The following UPK2 variants were observed in gnomAD, a reference collection of about 807,000 sequenced individuals.
UPK2 encodes uroplakin-2.
A neutral mutation model predicts 14.8 loss-of-function variants in UPK2; 19 were observed. That is an observed-to-expected ratio of 1.29 (90% confidence interval 0.90 to 1.89). The LOEUF is 1.89. UPK2 is among the 40% of genes most tolerant of loss of function. UPK2 has a pLI of 0.00. For synonymous variants in UPK2, 102 were observed against 101.6 expected, an observed-to-expected ratio of 1.00 and a Z score of -0.02; for missense variants, 232 against 236.0, an observed-to-expected ratio of 0.98 and a Z score of 0.11.
rs1375791555 is a variant in UPK2, at chr11:118,956,400, T to C, written c.50T>C (p.Leu17Pro). Residue 17 changes from leucine to proline, a missense_variant, in exon 1 of 5, where the codon CTG becomes CCG. By Grantham distance (98) the Leu-to-Pro change is moderately conservative (BLOSUM62 -3). Coordinates refer to ENST00000264031, the MANE Select transcript of UPK2 (RefSeq NM_006760.4). This position sits in a 1 kb window ranked among gnomAD's most constrained non-coding sequence, Gnocchi z 4.1. Reference sequence around the variant, plus strand: ...ACCTTGCCCTTGATCCTGATTCTGCTGGCTCTGCTGTCCCCAGGGGCTGCA... The same window carrying C: ...ACCTTGCCCTTGATCCTGATTCTGCCGGCTCTGCTGTCCCCAGGGGCTGCA... ...IRTLPLILIL[L>P]ALLSPGAADF... The C allele has an allele frequency of 1.9e-6, 3 of 1,610,388 alleles. No homozygotes were observed. Among genetic ancestry groups the C allele is most frequent in the Non-Finnish European group, 2.5e-6 (3 of 1,179,964 alleles).
rs1481928182 is a variant in UPK2 at position 118,957,352 on chromosome 11, T to C, written c.347+6T>C. 1 of 1,613,390 alleles carries C rather than the reference T, an allele frequency of 6.2e-7. No individual in the cohort carries two copies. Among genetic ancestry groups the C allele is most frequent in the African/African-American group, 1.3e-5 (1 of 74,804 alleles). ...GTGCCAGGAACCAAATTCTAGTAGG[T>C]ACTGGGTCCAGCCTGAGGCACCTAG... On this transcript the variant is annotated splice_donor_region_variant and intron_variant, in intron 3 of 4. Coordinates refer to ENST00000264031, the MANE Select transcript of UPK2 (RefSeq NM_006760.4).
chr11:118,957,491 C>T, intron 3 of UPK2, 107 bp from the exon 4 acceptor site: 3 of 1,544,492 alleles, frequency 1.9e-6, no homozygotes, highest in Non-Finnish European at 2.7e-6. Flanking sequence ...GAGGAGTGCA[C>T]ATAGGGGAGA....
rs763777954 is a variant in UPK2 at position 118,958,098 on chromosome 11, A to G, written c.420A>G (p.Arg140=). Residue 140 remains arginine (R), a splice_region_variant and synonymous_variant, in exon 5 of 5, where the codon CGA becomes CGG. Transcript: ENST00000264031. This position sits in a 1 kb window ranked among gnomAD's most constrained non-coding sequence, Gnocchi z 4.6. The stretch of plus-strand genomic sequence containing the variant: ...GTGGTCTCCCCTCTCTTTTGACAGG[A>G]AGGAACATGGAATCCATTGGGCTGG... ...SREIPMSTLP[R]RNMESIGLGM... The G allele has an allele frequency of 6.2e-7, 1 of 1,611,474 alleles. No individual in the cohort carries two copies. The highest frequency in any genetic ancestry group is 1.1e-5 in the South Asian group (1 of 90,964).
rs1941579105 is a variant in UPK2, at chr11:118,958,063, C to T, written c.419-34C>T. ...AGCCTCAGGCAGGCTGGGGGTCTCT[C>T]CCGCCCACAGTGGTCTCCCCTCTCT... On this transcript the variant is annotated intron_variant, in intron 4 of 4. Transcript: ENST00000264031. The surrounding 1 kb of genome is among the most constrained non-coding windows in gnomAD (Gnocchi z 4.6). The T allele has an allele frequency of 6.3e-7, 1 of 1,591,092 alleles. No individual in the cohort carries two copies. The highest frequency in any genetic ancestry group is 1.3e-5 in the African/African-American group (1 of 74,680).
chr11:118,957,811 C>G (rs569795630), intron 4 of UPK2, 143 bp downstream of exon 4: 21 of 975,298 alleles, frequency 2.2e-5, no homozygotes, highest in Middle Eastern at 3.1e-4. Context: ...TAGCACGGAA[C>G]CTTCGGCATG....
chr11:118,957,956 G>A, intron 4 of UPK2, 141 bp from the exon 5 acceptor site: 4 of 1,226,834 alleles, frequency 3.3e-6, no homozygotes, highest in Non-Finnish European at 4.5e-6. Context: ...TGGTTGGTTG[G>A]TTGGTTGGTT....
chr11:118,956,313 C>A lies in UPK2; in HGVS notation c.-38C>A. ...GCAGGGCCTCACTTGCCTCAGGAAC[C>A]CCAGCCTGCCAGCACCTATTCCACC... On this transcript the variant is annotated 5_prime_UTR_variant, in exon 1 of 5. Coordinates refer to ENST00000264031, the MANE Select transcript of UPK2 (RefSeq NM_006760.4). The surrounding 1 kb of genome is among the most constrained non-coding windows in gnomAD (Gnocchi z 4.1). 6.3e-7 allele frequency: 1 copy of A among 1,598,126 alleles called. No individual in the cohort carries two copies. The highest frequency in any genetic ancestry group is 8.5e-7 in the Non-Finnish European group (1 of 1,169,678).
Position 118,958,021 on chromosome 11 carries a change from A to T in UPK2, c.419-76A>T. Reference sequence around the variant, plus strand: ...GTTGGTTGGGCAGTCTGTTGGCTGGATGAGTGTGAGGCCGTGAGCCTCAGG... The same window carrying T: ...GTTGGTTGGGCAGTCTGTTGGCTGGTTGAGTGTGAGGCCGTGAGCCTCAGG... On this transcript the variant is annotated intron_variant, in intron 4 of 4. Transcript: ENST00000264031. This position sits in a 1 kb window ranked among gnomAD's most constrained non-coding sequence, Gnocchi z 4.6. The T allele has an allele frequency of 6.5e-7, 1 of 1,531,896 alleles. No homozygotes were observed. Among genetic ancestry groups the T allele is most frequent in the Admixed American group, 2.0e-5 (1 of 49,048 alleles). 94.9% of individuals were successfully genotyped at this position (1,531,896 alleles called of 1,614,324 possible).
chr11:118,958,392 T>A lies in UPK2; in HGVS notation c.*159T>A, dbSNP rs1478917898. On this transcript the variant is annotated 3_prime_UTR_variant, in exon 5 of 5. Coordinates refer to ENST00000264031, the MANE Select transcript of UPK2 (RefSeq NM_006760.4). The surrounding 1 kb of genome is among the most constrained non-coding windows in gnomAD (Gnocchi z 4.6). ...TAGAGCCCTCTCCTCCCTCTGTCCCTCTCCTTGCCCCCAGTGCCTCACCTT... is the reference window on the plus strand; with the variant it reads ...TAGAGCCCTCTCCTCCCTCTGTCCCACTCCTTGCCCCCAGTGCCTCACCTT... 1 of 785,450 alleles carries A rather than the reference T, an allele frequency of 1.3e-6. No homozygotes were observed. The highest frequency in any genetic ancestry group is 2.0e-6 in the Non-Finnish European group (1 of 512,294). The allele number at this position is 785,450 out of a possible 1,614,324, so 48.7% of individuals were successfully genotyped here.
Position 118,958,557 on chromosome 11 carries a change from C to T in UPK2, c.*324C>T. ...ATAATAAAGGCTGAGGCTGCATCTGCCACATGTGTTTCCCTTTAGTGGGCT... is the reference window on the plus strand; with the variant it reads ...ATAATAAAGGCTGAGGCTGCATCTGTCACATGTGTTTCCCTTTAGTGGGCT... On this transcript the variant is annotated 3_prime_UTR_variant, in exon 5 of 5. Transcript: ENST00000264031. This position sits in a 1 kb window ranked among gnomAD's most constrained non-coding sequence, Gnocchi z 4.6. 1 of 253,982 alleles carries T rather than the reference C, an allele frequency of 3.9e-6. No homozygotes were observed. Among genetic ancestry groups the T allele is most frequent in the Non-Finnish European group, 7.6e-6 (1 of 131,108 alleles). The allele number at this position is 253,982 out of a possible 1,614,324, so 15.7% of individuals were successfully genotyped here.
intron 3 of UPK2, 59 bp downstream of exon 3, chr11:118,957,405 C>G (rs1941572717): frequency 6.3e-7 from 1 of 1,597,910 alleles, no homozygotes; most frequent in Non-Finnish European, 8.5e-7. Context: ...GAGAGAGAAG[C>G]TAGTGTGGGG....
In UPK2 at chr11:118,958,038, A is replaced by G. The variant is rs1941578798; in HGVS notation, c.419-59A>G. 1 of 1,557,696 alleles carries G rather than the reference A, an allele frequency of 6.4e-7. No individual in the cohort carries two copies. The highest frequency in any genetic ancestry group is 1.4e-5 in the African/African-American group (1 of 73,628). On this transcript the variant is annotated intron_variant, in intron 4 of 4. Coordinates refer to ENST00000264031, the MANE Select transcript of UPK2 (RefSeq NM_006760.4). The surrounding 1 kb of genome is among the most constrained non-coding windows in gnomAD (Gnocchi z 4.6). The stretch of plus-strand genomic sequence containing the variant: ...TTGGCTGGATGAGTGTGAGGCCGTG[A>G]GCCTCAGGCAGGCTGGGGGTCTCTC...
chr11:118,957,091 C>T (rs1192568038), intron 2 of UPK2, 77 bp downstream of exon 2: 1 of 1,606,176 alleles, frequency 6.2e-7, no homozygotes, highest in Non-Finnish European at 8.5e-7. Flanking sequence ...CCCTTTTCCC[C>T]ATTCATGCCT....
At chr11:118,957,797 A>C in intron 4 of UPK2, 129 bp downstream of exon 4, 2 of 1,056,542 alleles carry the variant, frequency 1.9e-6, no homozygotes, top group Non-Finnish European at 2.8e-6. Context: ...GCTTACCTCT[A>C]TCCTAGCACG....
In UPK2 at chr11:118,956,956, C is replaced by T; in HGVS notation, c.150C>T (p.Pro50=). Residue 50 remains proline (P), a synonymous_variant, in exon 2 of 5, where the codon CCC becomes CCT. Coordinates refer to ENST00000264031, the MANE Select transcript of UPK2 (RefSeq NM_006760.4). This position sits in a 1 kb window ranked among gnomAD's most constrained non-coding sequence, Gnocchi z 4.1. Reference sequence around the variant, plus strand: ...AGAGCCTGCTGGTTGCCTTGCCCCCCTGTCACCTCACAGGAGGCAATGCCA... The same window carrying T: ...AGAGCCTGCTGGTTGCCTTGCCCCCTTGTCACCTCACAGGAGGCAATGCCA... ...LTESLLVALP[P]CHLTGGNATL... The T allele has an allele frequency of 6.2e-7, 1 of 1,614,052 alleles. No homozygotes were observed. Among genetic ancestry groups the T allele is most frequent in the South Asian group, 1.1e-5 (1 of 91,000 alleles).
rs750952264 is a variant in UPK2 at position 118,956,950 on chromosome 11, G to GC, written c.150dup (p.Cys51LeufsTer17). The GC allele has an allele frequency of 6.2e-6, 10 of 1,613,938 alleles. No homozygotes were observed. Among genetic ancestry groups the GC allele is most frequent in the Non-Finnish European group, 7.6e-6 (9 of 1,180,004 alleles). ...TAACGGAGAGCCTGCTGGTTGCCTT[G>GC]CCCCCCTGTCACCTCACAGGAGGCA... On this transcript the variant is annotated frameshift_variant, in exon 2 of 5. Coordinates refer to ENST00000264031, the MANE Select transcript of UPK2 (RefSeq NM_006760.4). LOFTEE classifies it high-confidence loss of function. This position sits in a 1 kb window ranked among gnomAD's most constrained non-coding sequence, Gnocchi z 4.1.
At position 118,958,354 on chromosome 11, in the gene UPK2, C is replaced by A; in HGVS notation, c.*121C>A. 1 of 1,145,974 alleles carries A rather than the reference C, an allele frequency of 8.7e-7. No homozygotes were observed. Among genetic ancestry groups the A allele is most frequent in the Non-Finnish European group, 1.2e-6 (1 of 828,880 alleles). The allele number at this position is 1,145,974 out of a possible 1,614,324, so 71.0% of individuals were successfully genotyped here. ...TTGGTGCCCTCGCCTCCTCCTCCTG[C>A]CCTCCTCTCCCCTAGAGCCCTCTCC... On this transcript the variant is annotated 3_prime_UTR_variant, in exon 5 of 5. Coordinates refer to ENST00000264031, the MANE Select transcript of UPK2 (RefSeq NM_006760.4). This position sits in a 1 kb window ranked among gnomAD's most constrained non-coding sequence, Gnocchi z 4.6.
In UPK2 at chr11:118,958,339, C is replaced by T. The variant is rs45528741; in HGVS notation, c.*106C>T. ...AGGCCTGTGGCTCCCTTGGTGCCCT[C>T]GCCTCCTCCTCCTGCCCTCCTCTCC... On this transcript the variant is annotated 3_prime_UTR_variant, in exon 5 of 5. Coordinates refer to ENST00000264031, the MANE Select transcript of UPK2 (RefSeq NM_006760.4). The surrounding 1 kb of genome is among the most constrained non-coding windows in gnomAD (Gnocchi z 4.6). The T allele has an allele frequency of 0.01, 13,370 of 1,322,442 alleles. 105 individuals carry two copies. The highest frequency in any genetic ancestry group is 0.012 in the Middle Eastern group (47 of 3,846). The allele number at this position is 1,322,442 out of a possible 1,614,324, so 81.9% of individuals were successfully genotyped here.
At position 118,958,441 on chromosome 11, in the gene UPK2, C is replaced by T. The variant is rs879937158; in HGVS notation, c.*208C>T. ...TTCCAACACTCCATTATTCCTCTCA[C>T]CCCACTCCTGTCAGAGTTGACTTTC... On this transcript the variant is annotated 3_prime_UTR_variant, in exon 5 of 5. Transcript: ENST00000264031. This position sits in a 1 kb window ranked among gnomAD's most constrained non-coding sequence, Gnocchi z 4.6. 4 of 545,126 alleles carry T rather than the reference C, an allele frequency of 7.3e-6. No homozygotes were observed. In the Admixed American group the frequency reaches 1.2e-4, roughly 17 times the overall value. 33.8% of individuals were successfully genotyped at this position (545,126 alleles called of 1,614,324 possible). A position where few individuals can be genotyped will look rare whatever the true frequency, so the allele number is the denominator to read the frequency against.
Sources: gnomAD v4.1 joint callset for allele counts on GRCh38, gnomAD v4.1.1 for gene constraint, Gnocchi (gnomAD v3.1) non-coding constraint, MANE v1.5 for transcripts, NCBI Gene and HGNC (gene_info 2026-07-23, HGNC 2026-07-21) for gene names.